The following CNTN4 variants were observed in gnomAD, a reference collection of about 807,000 sequenced individuals.
CNTN4 encodes contactin-4.
CNTN4 carries 77 observed loss-of-function variants against 122.5 expected under a neutral mutation model. The ratio of observed to expected loss-of-function variants is 0.63; its 90% CI spans 0.52 to 0.76. The LOEUF (loss-of-function observed/expected upper bound fraction) is 0.76, where lower values mean the gene tolerates loss of function less well. Among genes scored for constraint, CNTN4 ranks in the 30% least tolerant of loss-of-function variants. CNTN4 has a pLI of 0.00. For missense variants in CNTN4, 1,256 were observed against 1,259.1 expected (o/e 1.00, Z 0.04); for synonymous variants, 512 against 447.0 (o/e 1.15, Z -1.83).
At chr3:2,503,761 T>C (rs1460588925) in intron 3 of CNTN4, among the ~76,000 whole-genome samples, 1 of 151,996 alleles carries the variant, frequency 6.6e-6, no homozygotes, top group Non-Finnish European at 1.5e-5. Context: ...TTTACATAGA[T>C]AGGAAAAATA....
At chr3:2,127,838 A>G (rs1189484013) in intron 2 of CNTN4, among the ~76,000 whole-genome samples, 2 of 152,214 alleles carry the variant, frequency 1.3e-5, no homozygotes, top group Non-Finnish European at 2.9e-5. Flanking sequence ...CCAAATTAAA[A>G]GATTGCAAGC....
At chr3:2,160,184 CT>C (rs1462630719) in intron 2 of CNTN4, among the ~76,000 whole-genome samples, 2 of 152,038 alleles carry the variant, frequency 1.3e-5, no homozygotes, top group African/African-American at 4.8e-5. Context: ...CACTGTGATC[CT>C]TTTATGACTC....
intron 3 of CNTN4, among the ~76,000 whole-genome samples, chr3:2,449,340 C>A (rs905253606): frequency 6.6e-6 from 1 of 151,688 alleles, no homozygotes; most frequent in Non-Finnish European, 1.5e-5. Context: ...TAGGGCTGGG[C>A]GTGGTGACTC....
At chr3:2,584,904 G>A (rs557699377) in intron 4 of CNTN4, among the ~76,000 whole-genome samples, 69 of 151,330 alleles carry the variant, frequency 4.6e-4, no homozygotes, top group African/African-American at 1.5e-3. Context: ...TAGGAAGGTA[G>A]GTAGGTAGGT....
intron 6 of CNTN4, among the ~76,000 whole-genome samples, chr3:2,803,961 G>A (rs2092405939): frequency 6.6e-6 from 1 of 151,900 alleles, no homozygotes; most frequent in Non-Finnish European, 1.5e-5. Context: ...AGTAAAAATA[G>A]CAAGTGTTAG....
At chr3:2,321,866 C>T (rs892993954) in intron 2 of CNTN4, among the ~76,000 whole-genome samples, 8 of 151,900 alleles carry the variant, frequency 5.3e-5, no homozygotes, top group African/African-American at 1.7e-4. Flanking sequence ...TTTACTTAAC[C>T]TTTGGTAAGT....
intron 13 of CNTN4, among the ~76,000 whole-genome samples, chr3:2,982,592 T>G (rs1163430615): frequency 6.6e-6 from 1 of 152,180 alleles, no homozygotes; most frequent in Non-Finnish European, 1.5e-5. Context: ...GATTCCCATC[T>G]TCCAAATTTA....
At chr3:2,645,535 T>A (rs2083081346) in intron 4 of CNTN4, among the ~76,000 whole-genome samples, 2 of 151,376 alleles carry the variant, frequency 1.3e-5, no homozygotes, top group Non-Finnish European at 2.9e-5. Flanking sequence ...AATTAATTCT[T>A]CCTGTTTTAA....
At chr3:2,585,462 G>A (rs950438665) in intron 4 of CNTN4, among the ~76,000 whole-genome samples, 1 of 152,076 alleles carries the variant, frequency 6.6e-6, no homozygotes, top group African/African-American at 2.4e-5. Context: ...GTGATAGACT[G>A]GATTAAGAAA....
intron 6 of CNTN4, among the ~76,000 whole-genome samples, chr3:2,809,935 A>G (rs1204352403): frequency 6.6e-6 from 1 of 152,232 alleles, no homozygotes; most frequent in African/African-American, 2.4e-5. Flanking sequence ...TGAGAAATAA[A>G]AATAGCCATC....
chr3:2,502,845 C>A (rs1009509931), intron 3 of CNTN4, among the ~76,000 whole-genome samples: 1 of 152,080 alleles, frequency 6.6e-6, no homozygotes, highest in African/African-American at 2.4e-5. Flanking sequence ...TTTTATAAAT[C>A]TTAGTAACAG....
rs374066177 is a variant in CNTN4, at chr3:2,743,836, G to T, written c.183-1686G>T. Among the ~76,000 whole-genome samples the T allele has an allele frequency of 6.6e-5, 10 of 152,208 alleles. No homozygotes were observed. The South Asian group carries it at 8.3e-4, about 13-fold the overall frequency. ...TGTTTTTGTTTTGAGATGAGGTCTC[G>T]CTCTGTTGCCCAAGCTGGAGTGCAG... On this transcript the variant is annotated intron_variant, in intron 5 of 24. Coordinates refer to ENST00000418658, the MANE Select transcript of CNTN4 (RefSeq NM_175607.3).
chr3:2,535,460 T>C (rs2077765566), intron 3 of CNTN4, among the ~76,000 whole-genome samples: 1 of 152,182 alleles, frequency 6.6e-6, no homozygotes, highest in African/African-American at 2.4e-5. Flanking sequence ...ATTTTCACTT[T>C]TCTCCTTCAA....
chr3:2,727,168 C>G (rs1322856800), intron 4 of CNTN4, among the ~76,000 whole-genome samples: 1 of 152,024 alleles, frequency 6.6e-6, no homozygotes, highest in East Asian at 1.9e-4. Flanking sequence ...CCATTTGGGT[C>G]AGAAATGTTT....
At chr3:2,513,039 A>C (rs1368048822) in intron 3 of CNTN4, among the ~76,000 whole-genome samples, 1 of 152,208 alleles carries the variant, frequency 6.6e-6, no homozygotes, top group Non-Finnish European at 1.5e-5. Context: ...AAAACAGTAC[A>C]GAATGCTTAA....
At chr3:2,558,601 G>C (rs2728072) in intron 3 of CNTN4, among the ~76,000 whole-genome samples, 97,254 of 151,954 alleles carry the variant, frequency 0.64, 31,254 homozygotes, top group East Asian at 0.79. Context: ...TACTAATTTT[G>C]ACTATTTGGT....
rs889580810 is a variant in CNTN4 at position 3,043,003 on chromosome 3, A to G, written c.2538A>G (p.Lys846=). ...YEVKYWRHED[K]EENARKIRTV... is the part of the protein sequence containing the mutation. Reference sequence around the variant, plus strand: ...TTAAATATTGGAGACATGAAGACAAAGAAGAAAATGCTAGAAAAATACGAA... The same window carrying G: ...TTAAATATTGGAGACATGAAGACAAGGAAGAAAATGCTAGAAAAATACGAA... The change falls in exon 22 of 25, where the codon AAA becomes AAG. Residue 846 remains lysine (K), a synonymous_variant. Coordinates refer to ENST00000418658, the MANE Select transcript of CNTN4 (RefSeq NM_175607.3). The G allele has an allele frequency of 6.2e-7, 1 of 1,613,958 alleles. No homozygotes were observed. Among genetic ancestry groups the G allele is most frequent in the African/African-American group, 1.3e-5 (1 of 74,922 alleles).
intron 3 of CNTN4, among the ~76,000 whole-genome samples, chr3:2,492,574 G>C (rs1468431210): frequency 6.6e-6 from 1 of 152,160 alleles, no homozygotes; most frequent in African/African-American, 2.4e-5. Flanking sequence ...CATATTTACA[G>C]ATACGTAGGT....
intron 4 of CNTN4, among the ~76,000 whole-genome samples, chr3:2,599,613 C>T (rs1479537): frequency 0.053 from 8,099 of 152,204 alleles, 710 homozygotes; most frequent in African/African-American, 0.18. Flanking sequence ...ACATCAGTTT[C>T]TGTATTACGG....
Sources: allele counts gnomAD v4.1 joint callset (sites outside exome capture counted in the v4.1 genomes callset), GRCh38; gene constraint gnomAD v4.1.1; transcripts MANE v1.5; gene names NCBI Gene and HGNC (gene_info 2026-07-23, HGNC 2026-07-21).